Variants in KCNH7 observed in about 807,000 individuals in gnomAD.
The protein encoded by KCNH7 is potassium voltage-gated channel subfamily H member 7.
In KCNH7, 49 loss-of-function variants were observed where a neutral mutation model predicts 120.8. That is an observed-to-expected ratio of 0.41 (90% CI 0.32 to 0.51). KCNH7 has a LOEUF of 0.51. KCNH7 is among the 20% of genes least tolerant of loss of function. The pLI is 0.38. For missense variants in KCNH7, 1,097 were observed against 1,446.6 expected (o/e 0.76, Z 3.92); for synonymous variants, 547 against 516.1 (o/e 1.06, Z -0.81).
At chr2:162,719,058 C>T (rs1260026455) in intron 2 of KCNH7, among the ~76,000 whole-genome samples, 2 of 151,968 alleles carry the variant, frequency 1.3e-5, no homozygotes, top group Non-Finnish European at 1.5e-5. Context: ...AAGCTCTTGT[C>T]CCCATTGGGT....
At chr2:162,689,143 C>CTATTATTATTATTATTATTATTAT (rs148007770) in intron 2 of KCNH7, among the ~76,000 whole-genome samples, 1 of 149,696 alleles carries the variant, frequency 6.7e-6, no homozygotes, top group South Asian at 2.1e-4. Flanking sequence ...CATTTAGTTA[C>CTATTATTATTATTATTATTATTAT]TATTATTATT....
chr2:162,786,823 A>G (rs911012874), intron 2 of KCNH7, among the ~76,000 whole-genome samples: 1 of 152,204 alleles, frequency 6.6e-6, no homozygotes, highest in East Asian at 1.9e-4. Flanking sequence ...TCCCTTCACA[A>G]AAATATCCAT....
intron 6 of KCNH7, among the ~76,000 whole-genome samples, chr2:162,471,364 G>GTA (rs1392094424): frequency 2.0e-5 from 3 of 152,082 alleles, no homozygotes; most frequent in African/African-American, 7.2e-5. Context: ...GGTCTCCTGT[G>GTA]TATATATTTG....
At chr2:162,643,804 C>CAAA (rs781089376) in intron 2 of KCNH7, among the ~76,000 whole-genome samples, 240 of 89,436 alleles carry the variant, frequency 2.7e-3, no homozygotes, top group Middle Eastern at 6.9e-3. Flanking sequence ...GACTCTATCT[C>CAAA]AAAAAAAAAA....
At chr2:162,395,186 T>C (rs1052494663) in intron 11 of KCNH7, among the ~76,000 whole-genome samples, 7 of 151,878 alleles carry the variant, frequency 4.6e-5, no homozygotes, top group Middle Eastern at 6.8e-3. Context: ...TTTTGTGGAG[T>C]CAAAAGTTAT....
chr2:162,518,088 T>C lies in KCNH7; in HGVS notation c.534A>G (p.Glu178=). The change falls in exon 4 of 16, where the codon GAA becomes GAG. Residue 178 remains glutamate, a synonymous_variant. Transcript: ENST00000332142. ...LTYRKQSLPQ[E]DPDVVVIDSS... Reference sequence around the variant, plus strand: ...AATCGATGACCACCACATCGGGGTCTTCTTGTGGTAAGGACTGCTTTCTGT... The same window carrying C: ...AATCGATGACCACCACATCGGGGTCCTCTTGTGGTAAGGACTGCTTTCTGT... 1 of 1,612,246 alleles carries C rather than the reference T, an allele frequency of 6.2e-7. No individual in the cohort carries two copies. The highest frequency in any genetic ancestry group is 1.1e-5 in the South Asian group (1 of 91,040).
intron 2 of KCNH7, among the ~76,000 whole-genome samples, chr2:162,636,094 T>G (rs1188573722): frequency 2.6e-5 from 4 of 152,114 alleles, no homozygotes; most frequent in Non-Finnish European, 5.9e-5. Context: ...AATGTATCCC[T>G]TCCAAATTGA....
chr2:162,787,832 G>T (rs1188191436), intron 2 of KCNH7, among the ~76,000 whole-genome samples: 4 of 152,102 alleles, frequency 2.6e-5, no homozygotes, highest in Non-Finnish European at 5.9e-5. Context: ...AATGACCCTA[G>T]TTCCAGGCCT....
intron 6 of KCNH7, among the ~76,000 whole-genome samples, chr2:162,454,593 G>A (rs1161012327): frequency 6.6e-6 from 1 of 152,104 alleles, no homozygotes; most frequent in Non-Finnish European, 1.5e-5. Flanking sequence ...AGCATGGAAT[G>A]TTTTTCCATT....
chr2:162,448,462 A>T (rs1237988093), intron 6 of KCNH7, among the ~76,000 whole-genome samples: 3 of 152,068 alleles, frequency 2.0e-5, no homozygotes, highest in Non-Finnish European at 4.4e-5. Flanking sequence ...CAGCAAAACA[A>T]GACTAAAATT....
chr2:162,744,568 C>CTTT (rs144013923), intron 2 of KCNH7, among the ~76,000 whole-genome samples: 50 of 115,286 alleles, frequency 4.3e-4, no homozygotes, highest in Non-Finnish European at 5.7e-4. Context: ...ATTCACAGAA[C>CTTT]TTTTTTTTTT....
intron 2 of KCNH7, chr2:162,785,246 A>C (rs2105504227): frequency 6.6e-6 from 1 of 152,372 alleles, no homozygotes; most frequent in Non-Finnish European, 1.5e-5. Context: ...AGAAAATATT[A>C]GCTTGTCATC....
chr2:162,691,162 A>G (rs1048413614), intron 2 of KCNH7, among the ~76,000 whole-genome samples: 1 of 152,198 alleles, frequency 6.6e-6, no homozygotes, highest in African/African-American at 2.4e-5. Context: ...AGATTAAATG[A>G]CTATACACCT....
intron 9 of KCNH7, among the ~76,000 whole-genome samples, chr2:162,420,312 G>T (rs549340227): frequency 6.6e-6 from 1 of 152,256 alleles, no homozygotes; most frequent in East Asian, 1.9e-4. Context: ...GGAGGTGGAG[G>T]TTGCAGTGAG....
At chr2:162,796,345 T>C (rs1429974412) in intron 2 of KCNH7, 2 of 151,928 alleles carry the variant, frequency 1.3e-5, no homozygotes, top group East Asian at 3.9e-4. Flanking sequence ...AAAAAAAGAC[T>C]GCAAGCCACA....
chr2:162,795,832 A>G (rs1166780461), intron 2 of KCNH7: 4 of 152,100 alleles, frequency 2.6e-5, no homozygotes, highest in Non-Finnish European at 4.4e-5. Flanking sequence ...AGCATCCTGT[A>G]TTCTCCCTAT....
intron 2 of KCNH7, among the ~76,000 whole-genome samples, chr2:162,654,034 T>G (rs972213773): frequency 6.0e-5 from 9 of 150,934 alleles, no homozygotes; most frequent in African/African-American, 2.2e-4. Flanking sequence ...TCTGGAACTC[T>G]AGAACTACCG....
chr2:162,739,417 G>A (rs1037977213), intron 2 of KCNH7, among the ~76,000 whole-genome samples: 13 of 152,028 alleles, frequency 8.6e-5, no homozygotes, highest in Non-Finnish European at 1.3e-4. Context: ...CACCCCACCT[G>A]AATGTTCTTT....
chr2:162,838,728 G>T lies in KCNH7; in HGVS notation c.-210C>A, dbSNP rs1265730178. ...CCATTCCCCTCACCTTCCGGAGGGG[G>T]CCTCGCACCGGACTGCCGCGGGTGA... On this transcript the variant is annotated 5_prime_UTR_variant, in exon 1 of 16. Transcript: ENST00000332142. The T allele has an allele frequency of 6.5e-6, 2 of 308,256 alleles. No individual in the cohort carries two copies. Among genetic ancestry groups the T allele is most frequent in the Non-Finnish European group, 1.2e-5 (2 of 166,144 alleles). 19.1% of individuals were successfully genotyped at this position (308,256 alleles called of 1,614,324 possible). A position where few individuals can be genotyped will look rare whatever the true frequency, so the allele number is the denominator to read the frequency against.
Sources: gnomAD v4.1 joint callset for allele counts (sites outside exome capture counted in the v4.1 genomes callset) on GRCh38, gnomAD v4.1.1 for gene constraint, MANE v1.5 for transcripts, NCBI Gene and HGNC (gene_info 2026-07-23, HGNC 2026-07-21) for gene names.